RBPMS2: variants seen among roughly 807,000 people sequenced by gnomAD.
RBPMS2 encodes the protein RNA-binding protein with multiple splicing 2.
RBPMS2 carries 14 observed loss-of-function variants against 25.7 expected under a neutral mutation model. That is an observed-to-expected ratio of 0.55 (90% CI 0.36 to 0.85). The LOEUF is 0.85. Among genes scored for constraint, RBPMS2 ranks in the 40% least tolerant of loss-of-function variants. The pLI, the probability that RBPMS2 is intolerant of heterozygous loss-of-function variation, is 0.01. For missense variants in RBPMS2, 252 were observed against 283.4 expected (o/e 0.89, Z 0.80); for synonymous variants, 127 against 115.6 (o/e 1.10, Z -0.63).
At chr15:64,742,025 G>A (rs983636529) in intron 6 of RBPMS2, among the ~76,000 whole-genome samples, 1 of 151,368 alleles carries the variant, frequency 6.6e-6, no homozygotes, top group Non-Finnish European at 1.5e-5. Flanking sequence ...TTAGCCGGGC[G>A]TAGTGGTGCA....
intron 1 of RBPMS2, among the ~76,000 whole-genome samples, chr15:64,760,827 G>C (rs2083777519): frequency 6.7e-6 from 1 of 149,634 alleles, no homozygotes; most frequent in Non-Finnish European, 1.5e-5. Context: ...AAAGCAAACA[G>C]ACCCTTCTCC....
chr15:64,762,051 C>A (rs1157266191), intron 1 of RBPMS2, among the ~76,000 whole-genome samples: 1 of 152,102 alleles, frequency 6.6e-6, no homozygotes, highest in Non-Finnish European at 1.5e-5. Flanking sequence ...GGGGTCTCAC[C>A]ATGTTGCCCA....
chr15:64,760,802 C>CG (rs1334343613), intron 1 of RBPMS2, among the ~76,000 whole-genome samples: 2 of 148,644 alleles, frequency 1.3e-5, no homozygotes, highest in African/African-American at 2.5e-5. Context: ...AACTCCATCT[C>CG]GAAAAAAAAA....
intron 1 of RBPMS2, chr15:64,761,081 A>G (rs1307427275): frequency 6.6e-6 from 1 of 152,080 alleles, no homozygotes; most frequent in East Asian, 1.9e-4. Flanking sequence ...GCATCTCTAA[A>G]AGTTAGAATT....
intron 1 of RBPMS2, among the ~76,000 whole-genome samples, chr15:64,774,929 G>T (rs1330046176): frequency 1.3e-5 from 2 of 151,186 alleles, no homozygotes; most frequent in East Asian, 3.9e-4. Flanking sequence ...GCGCGCGGGC[G>T]GCAGGCATGG....
At chr15:64,765,597 G>C (rs575895068) in intron 1 of RBPMS2, among the ~76,000 whole-genome samples, 145 of 50,074 alleles carry the variant, frequency 2.9e-3, no homozygotes, top group Admixed American at 0.017. Context: ...AAAAAGGGCG[G>C]GGGGGGACCA....
At chr15:64,749,564 A>C in intron 3 of RBPMS2, 71 bp from the exon 4 acceptor site, 2 of 1,301,570 alleles carry the variant, frequency 1.5e-6, no homozygotes, top group Non-Finnish European at 2.2e-6. Flanking sequence ...AATAACAACA[A>C]AAAAAGAGTA....
At chr15:64,767,983 G>A (rs1338817222) in intron 1 of RBPMS2, among the ~76,000 whole-genome samples, 2 of 152,092 alleles carry the variant, frequency 1.3e-5, no homozygotes, top group Non-Finnish European at 2.9e-5. Flanking sequence ...TCCTTGAGTG[G>A]GATTTAGAAA....
chr15:64,764,349 A>T (rs1281566582), intron 1 of RBPMS2, among the ~76,000 whole-genome samples: 2 of 152,168 alleles, frequency 1.3e-5, no homozygotes, highest in African/African-American at 4.8e-5. Context: ...CCAGCTCCTA[A>T]ATCAATACCT....
intron 1 of RBPMS2, chr15:64,762,518 TC>T (rs769976740): frequency 3.7e-6 from 2 of 534,612 alleles, no homozygotes; most frequent in Non-Finnish European, 7.7e-6. Context: ...TGATCTGGCT[TC>T]CCCAAGGGAA....
chr15:64,767,776 T>C (rs543542103), intron 1 of RBPMS2, among the ~76,000 whole-genome samples: 1 of 151,978 alleles, frequency 6.6e-6, no homozygotes, highest in East Asian at 1.9e-4. Context: ...TTTAAGTCAT[T>C]CTCCCACCTC....
intron 1 of RBPMS2, among the ~76,000 whole-genome samples, chr15:64,765,761 T>C (rs111765533): frequency 0.048 from 7,353 of 152,204 alleles, 231 homozygotes; most frequent in South Asian, 0.088. Context: ...CTGGCCAACA[T>C]GGCGAAACCC....
chr15:64,752,173 A>T (rs1175731398), intron 1 of RBPMS2, among the ~76,000 whole-genome samples: 1 of 151,980 alleles, frequency 6.6e-6, no homozygotes, highest in Non-Finnish European at 1.5e-5. Flanking sequence ...TAAAAATCTG[A>T]AGAAAGCTGC....
At chr15:64,774,516 T>A (rs1334402508) in intron 1 of RBPMS2, among the ~76,000 whole-genome samples, 1 of 152,052 alleles carries the variant, frequency 6.6e-6, no homozygotes, top group Non-Finnish European at 1.5e-5. Flanking sequence ...GTGGACGAGA[T>A]GATTTCGCCC....
chr15:64,768,259 A>C (rs1372863092), intron 1 of RBPMS2, among the ~76,000 whole-genome samples: 1 of 152,196 alleles, frequency 6.6e-6, no homozygotes, highest in East Asian at 1.9e-4. Flanking sequence ...CTGTAACCCC[A>C]GCAGTTTGGG....
chr15:64,758,561 G>C (rs1470281718), intron 1 of RBPMS2, among the ~76,000 whole-genome samples: 1 of 152,256 alleles, frequency 6.6e-6, no homozygotes, highest in South Asian at 2.1e-4. Context: ...ACATGGCTGT[G>C]TGGCTCTCAT....
chr15:64,749,969 A>G (rs1595786880), intron 3 of RBPMS2, among the ~76,000 whole-genome samples: 1 of 152,030 alleles, frequency 6.6e-6, no homozygotes. Context: ...CCCAAAGGCT[A>G]GCGGGCCCTG....
chr15:64,773,646 G>A (rs531668897), intron 1 of RBPMS2, among the ~76,000 whole-genome samples: 1 of 152,326 alleles, frequency 6.6e-6, no homozygotes, highest in Admixed American at 6.5e-5. Flanking sequence ...GGTTTGCCCA[G>A]TACCAGCCTC....
intron 1 of RBPMS2, among the ~76,000 whole-genome samples, chr15:64,764,022 A>G (rs1460035770): frequency 6.6e-6 from 1 of 152,202 alleles, no homozygotes; most frequent in African/African-American, 2.4e-5. Context: ...GAACTAGACC[A>G]AACAGAGAAT....
Sources: gnomAD v4.1 joint callset for allele counts (sites outside exome capture counted in the v4.1 genomes callset) on GRCh38, gnomAD v4.1.1 for gene constraint, MANE v1.5 for transcripts, NCBI Gene and HGNC (gene_info 2026-07-23, HGNC 2026-07-21) for gene names.